The following LOXHD1 variants were observed in gnomAD, a reference collection of about 807,000 sequenced individuals.
The protein encoded by LOXHD1 is lipoxygenase homology domain-containing protein 1.
LOXHD1 carries 205 observed loss-of-function variants against 248.2 expected under a neutral mutation model. The ratio of observed to expected loss-of-function variants is 0.83; its 90% confidence interval spans 0.74 to 0.93. LOXHD1 has a LOEUF of 0.93. Among genes scored for constraint, LOXHD1 ranks in the 40% least tolerant of loss-of-function variants. The pLI is 0.00. For synonymous variants in LOXHD1, 1,113 were observed against 1,162.8 expected, an observed-to-expected ratio of 0.96 and a Z score of 0.87; for missense variants, 2,930 against 2,971.6, an observed-to-expected ratio of 0.99 and a Z score of 0.33.
intron 14 of LOXHD1, 112 bp downstream of exon 14, chr18:46,577,595 A>G: frequency 8.0e-7 from 1 of 1,248,244 alleles, no homozygotes; most frequent in Non-Finnish European, 1.1e-6. Flanking sequence ...CACCAGCTAT[A>G]GCCTTAAGCC....
rs1598905811 is a variant in LOXHD1, at chr18:46,520,857, G to A, written c.5271+240C>T. The A allele has an allele frequency of 3.7e-5, 20 of 533,650 alleles. No individual in the cohort carries two copies. The East Asian group carries it at 6.0e-4, about 16-fold the overall frequency. 33.1% of individuals were successfully genotyped at this position (533,650 alleles called of 1,614,324 possible). On this transcript the variant is annotated intron_variant, in intron 33 of 40. Transcript: ENST00000642948. Reference sequence around the variant, plus strand: ...GATGCATTATTTCTAAGCAGTGTATGGGAAGACCAAGGCCCAGAGAAATGA... The same window carrying A: ...GATGCATTATTTCTAAGCAGTGTATAGGAAGACCAAGGCCCAGAGAAATGA...
At chr18:46,642,360 C>G (rs2038973654) in intron 2 of LOXHD1, among the ~76,000 whole-genome samples, 1 of 152,234 alleles carries the variant, frequency 6.6e-6, no homozygotes, top group African/African-American at 2.4e-5. Context: ...CTCTCCCAGT[C>G]ATGACCCCAT....
rs56323729 is a variant in LOXHD1 at position 46,545,627 on chromosome 18, C to CTTTTTTTTTTTTTT, written c.3515-220_3515-207dup. Among the ~76,000 whole-genome samples the CTTTTTTTTTTTTTT allele has an allele frequency of 7.2e-4, 66 of 92,234 alleles. 9 individuals are homozygous for CTTTTTTTTTTTTTT. The highest frequency in any genetic ancestry group is 2.8e-3 in the African/African-American group (58 of 20,506). The allele number at this position is 92,234 out of a possible 152,430, so 60.5% of individuals were successfully genotyped here. A position where few individuals can be genotyped will look rare whatever the true frequency, so the allele number is the denominator to read the frequency against. ...GTTTCTATGTTCCTCTTGGCCATTT[C>CTTTTTTTTTTTTTT]TTTTTTTTTTTTTTTTTTTTGAGAC... On this transcript the variant is annotated intron_variant, in intron 22 of 40. Coordinates refer to ENST00000642948, the MANE Select transcript of LOXHD1 (RefSeq NM_001384474.1).
chr18:46,560,848 ACGCACGCG>A, intron 18 of LOXHD1, among the ~76,000 whole-genome samples: 1 of 140,156 alleles, frequency 7.1e-6, no homozygotes, highest in African/African-American at 2.9e-5. Flanking sequence ...ACACACACAC[ACGCACGCG>A]CGCGCGCGCG....
chr18:46,488,379 C>T (rs924021237), intron 38 of LOXHD1, among the ~76,000 whole-genome samples: 1 of 152,204 alleles, frequency 6.6e-6, no homozygotes, highest in Non-Finnish European at 1.5e-5. Flanking sequence ...GAAGCTAGTG[C>T]TGCCTTAATA....
intron 24 of LOXHD1, 36 bp from the exon 25 acceptor site, chr18:46,541,976 C>T (rs766715118): frequency 6.5e-7 from 1 of 1,530,040 alleles, no homozygotes; most frequent in South Asian, 1.2e-5. Context: ...CATCAAGGAC[C>T]TGAGCAGAGA....
chr18:46,563,142 C>G lies in LOXHD1; in HGVS notation c.2521G>C (p.Glu841Gln), dbSNP rs1424850747. Residue 841 changes from glutamate to glutamine, a missense_variant, in exon 18 of 41, where the codon GAG becomes CAG. Glu to Gln is a conservative substitution (Grantham distance 29). Coordinates refer to ENST00000642948, the MANE Select transcript of LOXHD1 (RefSeq NM_001384474.1). The stretch of plus-strand genomic sequence containing the variant: ...AAGAGCACTTCTGTCTTGCCTTTCT[C>G]TCCATAGATCTGCATGTAGACTCGG... Reference protein sequence around the residue: ...SARVYMQIYGEKGKTEVLFLS... With the variant: ...SARVYMQIYGQKGKTEVLFLS... 2 of 1,545,498 alleles carry G rather than the reference C, an allele frequency of 1.3e-6. No homozygotes were observed. Among genetic ancestry groups the G allele is most frequent in the East Asian group, 4.9e-5 (2 of 40,736 alleles).
chr18:46,539,227 G>A (rs1280451103), intron 25 of LOXHD1, among the ~76,000 whole-genome samples: 9 of 152,196 alleles, frequency 5.9e-5, no homozygotes, highest in Admixed American at 1.3e-4. Context: ...TTGGGAGGCC[G>A]AGGTGGGCTA....
intron 12 of LOXHD1, among the ~76,000 whole-genome samples, chr18:46,580,199 T>C (rs2037936684): frequency 6.6e-6 from 1 of 152,254 alleles, no homozygotes; most frequent in Admixed American, 6.5e-5. Context: ...GGGACTCTGA[T>C]GGAGCTGGCC....
Position 46,566,293 on chromosome 18 carries a change from C to T in LOXHD1, c.2401G>A (p.Glu801Lys), listed in dbSNP as rs770068342. Residue 801 changes from glutamate to lysine, a missense_variant, in exon 17 of 41, where the codon GAG (glutamate) becomes AAG (lysine). Physicochemically the swap from Glu to Lys is moderately conservative, Grantham distance 56 (BLOSUM62 1). Transcript: ENST00000642948. ...TCCACCACCTCGCTGGGATACAGCTCCACCTCCAGGCGCCCGTCAGCCTGG... is the reference window on the plus strand; with the variant it reads ...TCCACCACCTCGCTGGGATACAGCTTCACCTCCAGGCGCCCGTCAGCCTGG... ...KNQADGRLEV[E>K]LYPSEVVEIQ... 26 of 1,551,740 alleles carry T rather than the reference C, an allele frequency of 1.7e-5. No individual in the cohort carries two copies. The African/African-American group carries it at 2.9e-4, about 17-fold the overall frequency.
At chr18:46,509,410 G>A (rs2034805065) in intron 35 of LOXHD1, among the ~76,000 whole-genome samples, 1 of 152,156 alleles carries the variant, frequency 6.6e-6, no homozygotes, top group African/African-American at 2.4e-5. Flanking sequence ...CTGTCCTGAA[G>A]GAAGCCCACA....
intron 39 of LOXHD1, among the ~76,000 whole-genome samples, chr18:46,484,061 A>T (rs1022380970): frequency 2.0e-5 from 3 of 152,134 alleles, no homozygotes; most frequent in Non-Finnish European, 4.4e-5. Context: ...CCCCTGTAAC[A>T]GACATGTCTT....
rs1202863738 is a variant in LOXHD1 at position 46,538,214 on chromosome 18, TTGG to T, written c.4034_4036del (p.Thr1345del). On this transcript the variant is annotated inframe_deletion, in exon 26 of 41. Coordinates refer to ENST00000642948, the MANE Select transcript of LOXHD1 (RefSeq NM_001384474.1). ...AAAGAACTGCTTCTGTTCCCTCTTG[TTGG>T]TACACAGATACTTCTGCTGGGTGCA... 6.5e-7 allele frequency: 1 copy of T among 1,545,496 alleles called. No homozygotes were observed. Among genetic ancestry groups the T allele is most frequent in the South Asian group, 1.2e-5 (1 of 83,944 alleles).
At chr18:46,655,647 TG>T (rs1429161975) in intron 1 of LOXHD1, among the ~76,000 whole-genome samples, 3 of 152,204 alleles carry the variant, frequency 2.0e-5, no homozygotes, top group African/African-American at 7.2e-5. Context: ...CTTCTACCCT[TG>T]GAGGTACCCA....
chr18:46,594,000 G>T (rs1172089553), intron 9 of LOXHD1, among the ~76,000 whole-genome samples: 4 of 152,112 alleles, frequency 2.6e-5, no homozygotes, highest in African/African-American at 9.7e-5. Flanking sequence ...GTTTTAAATC[G>T]GGGAACGAGT....
chr18:46,487,919 G>A (rs999202295), intron 38 of LOXHD1, among the ~76,000 whole-genome samples: 11 of 152,174 alleles, frequency 7.2e-5, no homozygotes, highest in African/African-American at 2.7e-4. Flanking sequence ...TTGGGTTTCA[G>A]GTACATACAA....
At chr18:46,487,325 T>C (rs1396965345) in intron 38 of LOXHD1, among the ~76,000 whole-genome samples, 1 of 152,202 alleles carries the variant, frequency 6.6e-6, no homozygotes, top group Non-Finnish European at 1.5e-5. Flanking sequence ...GAATGAGTGA[T>C]ACAGGTTGTA....
intron 4 of LOXHD1, among the ~76,000 whole-genome samples, chr18:46,626,327 C>T (rs1396641753): frequency 6.6e-6 from 1 of 152,116 alleles, no homozygotes; most frequent in Non-Finnish European, 1.5e-5. Flanking sequence ...TACTTGAAGT[C>T]AGGAGTTTGA....
At chr18:46,611,043 T>C (rs1389823354) in intron 5 of LOXHD1, 119 bp from the exon 6 acceptor site, 2 of 1,221,302 alleles carry the variant, frequency 1.6e-6, no homozygotes, top group Non-Finnish European at 1.1e-6. Flanking sequence ...AACTTCCTCC[T>C]GAGATCTAAG....
Sources: gnomAD v4.1 joint callset for allele counts (sites outside exome capture counted in the v4.1 genomes callset) on GRCh38, gnomAD v4.1.1 for gene constraint, MANE v1.5 for transcripts, NCBI Gene and HGNC (gene_info 2026-07-23, HGNC 2026-07-21) for gene names.